The following CCDC39 variants were observed in gnomAD, a reference collection of about 807,000 sequenced individuals.
The protein encoded by CCDC39 is coiled-coil domain-containing protein 39.
Under a neutral mutation model 121.0 loss-of-function variants are expected in CCDC39, and 113 were observed. That is an observed-to-expected ratio of 0.93 (90% CI 0.80 to 1.09). The LOEUF (loss-of-function observed/expected upper bound fraction) is 1.09, where lower values mean the gene tolerates loss of function less well. Ranked by LOEUF, CCDC39 falls within the 50% of genes least tolerant of loss-of-function variation. The pLI is 0.00. For synonymous variants in CCDC39, 349 were observed against 352.2 expected, an observed-to-expected ratio of 0.99 and a Z score of 0.10; for missense variants, 1,063 against 1,074.7, an observed-to-expected ratio of 0.99 and a Z score of 0.15.
At chr3:180,672,969 G>A (rs1712091785) in intron 1 of CCDC39, among the ~76,000 whole-genome samples, 1 of 152,204 alleles carries the variant, frequency 6.6e-6, no homozygotes, top group African/African-American at 2.4e-5. Flanking sequence ...CAAGACTTCA[G>A]TGGAGGAAGT....
chr3:180,625,058 G>A lies in CCDC39; in HGVS notation c.1999-5088C>T, dbSNP rs148883268. ...GGATTGCTGGGCCTCTTGTGTCTCGGCGTCTAACTCTCTTACTAGACTTGA... is the reference window on the plus strand; with the variant it reads ...GGATTGCTGGGCCTCTTGTGTCTCGACGTCTAACTCTCTTACTAGACTTGA... On this transcript the variant is annotated intron_variant, in intron 14 of 19. Coordinates refer to ENST00000476379, the MANE Select transcript of CCDC39 (RefSeq NM_181426.2). Among the ~76,000 whole-genome samples, 21 of 152,048 alleles carry A rather than the reference G, an allele frequency of 1.4e-4. No individual in the cohort carries two copies. In the East Asian group the frequency reaches 4.1e-3, roughly 29 times the overall value.
chr3:180,654,685 A>G, intron 7 of CCDC39, 77 bp downstream of exon 7: 1 of 973,302 alleles, frequency 1.0e-6, no homozygotes, highest in Non-Finnish European at 1.4e-6. Context: ...TTATCACAGG[A>G]AAAGCTTTAT....
intron 6 of CCDC39, among the ~76,000 whole-genome samples, chr3:180,656,277 A>C (rs1450425072): frequency 2.0e-5 from 3 of 152,198 alleles, no homozygotes; most frequent in Non-Finnish European, 4.4e-5. Context: ...ATCATACTTA[A>C]TAGTGCTATG....
chr3:180,622,942 G>C (rs1717463529), intron 14 of CCDC39, among the ~76,000 whole-genome samples: 1 of 151,960 alleles, frequency 6.6e-6, no homozygotes, highest in African/African-American at 2.4e-5. Flanking sequence ...TATAGAATGA[G>C]TTAGGGAGCA....
chr3:180,669,763 T>C (rs147519063), intron 1 of CCDC39, among the ~76,000 whole-genome samples: 1 of 152,008 alleles, frequency 6.6e-6, no homozygotes, highest in East Asian at 1.9e-4. Context: ...TGTTTCACAA[T>C]TTCCTTATCT....
At position 180,614,100 on chromosome 3, in the gene CCDC39, T is replaced by C. The variant is rs1369850543; in HGVS notation, c.*821A>G. On this transcript the variant is annotated 3_prime_UTR_variant, in exon 20 of 20. Transcript: ENST00000476379. ...GTGTTGGGCACATGTTATAATGAAG[T>C]GTTAACTGGAAAAACTACTACATTT... 5.1e-6 allele frequency: 1 copy of C among 195,654 alleles called. No homozygotes were observed. The highest frequency in any genetic ancestry group is 2.4e-5 in the African/African-American group (1 of 42,308). The allele number at this position is 195,654 out of a possible 1,614,324, so 12.1% of individuals were successfully genotyped here.
chr3:180,623,123 T>G (rs1717470972), intron 14 of CCDC39, among the ~76,000 whole-genome samples: 1 of 148,936 alleles, frequency 6.7e-6, no homozygotes, highest in South Asian at 2.1e-4. Flanking sequence ...TATGGATTCA[T>G]TCTTGCTATT....
intron 14 of CCDC39, among the ~76,000 whole-genome samples, chr3:180,630,331 A>G (rs1297694729): frequency 6.6e-6 from 1 of 152,180 alleles, no homozygotes. Flanking sequence ...CTGACAAGTT[A>G]TAAGAAAGTT....
intron 6 of CCDC39, among the ~76,000 whole-genome samples, chr3:180,655,664 G>A (rs959438620): frequency 1.1e-4 from 17 of 152,110 alleles, no homozygotes; most frequent in Non-Finnish European, 1.5e-4. Flanking sequence ...TAAAGTGTAG[G>A]GTGGGAAGGC....
Position 180,652,324 on chromosome 3 carries a change from T to C in CCDC39, c.931-58A>G, listed in dbSNP as rs183404309. The C allele has an allele frequency of 1.5e-4, 161 of 1,076,854 alleles. No individual in the cohort carries two copies. In the Middle Eastern group the frequency reaches 2.0e-3, roughly 13 times the overall value. 66.7% of individuals were successfully genotyped at this position (1,076,854 alleles called of 1,614,324 possible). A position where few individuals can be genotyped will look rare whatever the true frequency, so the allele number is the denominator to read the frequency against. On this transcript the variant is annotated intron_variant, in intron 7 of 19. Transcript: ENST00000476379. ...TTTACTCTGTATCTTATAACTTATT[T>C]CATTTCTGAGTTTTATTCTGCCCAC...
chr3:180,634,253 G>T (rs574496642), intron 13 of CCDC39, among the ~76,000 whole-genome samples: 87 of 149,528 alleles, frequency 5.8e-4, no homozygotes, highest in African/African-American at 2.1e-3. Context: ...CACTGGCTCT[G>T]CAGTGGTACT....
At chr3:180,668,441 G>C (rs773550366) in intron 1 of CCDC39, among the ~76,000 whole-genome samples, 1 of 151,994 alleles carries the variant, frequency 6.6e-6, no homozygotes, top group African/African-American at 2.4e-5. Flanking sequence ...CAGATATGCT[G>C]GTGTCTCTTC....
At chr3:180,627,388 AT>A (rs1199178233) in intron 14 of CCDC39, among the ~76,000 whole-genome samples, 1 of 152,166 alleles carries the variant, frequency 6.6e-6, no homozygotes, top group Non-Finnish European at 1.5e-5. Context: ...AGCCAAACAA[AT>A]TTTAGTTGTG....
intron 19 of CCDC39, among the ~76,000 whole-genome samples, chr3:180,615,802 G>GA (rs200839634): frequency 0.044 from 6,632 of 149,708 alleles, 187 homozygotes; most frequent in Non-Finnish European, 0.06. Flanking sequence ...AACTGCAGAA[G>GA]AAAAAAAAAG....
At chr3:180,672,026 T>G (rs186097142) in intron 1 of CCDC39, among the ~76,000 whole-genome samples, 3 of 152,302 alleles carry the variant, frequency 2.0e-5, no homozygotes, top group Admixed American at 2.0e-4. Flanking sequence ...ATCTATGACT[T>G]TTATAGCTCA....
chr3:180,648,711 G>A (rs1718131581), intron 9 of CCDC39, among the ~76,000 whole-genome samples: 1 of 152,152 alleles, frequency 6.6e-6, no homozygotes, highest in Middle Eastern at 3.2e-3. Context: ...AAAGTCTTGA[G>A]GGTGCTATGG....
intron 9 of CCDC39, among the ~76,000 whole-genome samples, chr3:180,650,996 A>G (rs1028969776): frequency 6.7e-6 from 1 of 149,864 alleles, no homozygotes; most frequent in Non-Finnish European, 1.5e-5. Flanking sequence ...GCAGATCGAG[A>G]CCAGCCTGGC....
intron 13 of CCDC39, among the ~76,000 whole-genome samples, chr3:180,633,322 A>G (rs1320634342): frequency 3.3e-5 from 5 of 152,234 alleles, no homozygotes; most frequent in Non-Finnish European, 5.9e-5. Flanking sequence ...AAAATGAACA[A>G]AGAACAGACC....
rs758918783 is a variant in CCDC39 at position 180,648,230 on chromosome 3, G to C, written c.1297C>G (p.Leu433Val). 6.2e-7 allele frequency: 1 copy of C among 1,613,528 alleles called. No homozygotes were observed. Among genetic ancestry groups the C allele is most frequent in the Non-Finnish European group, 8.5e-7 (1 of 1,179,658 alleles). The change falls in exon 10 of 20, where the codon CTC (leucine) becomes GTC (valine). Residue 433 changes from leucine to valine, a missense_variant. Transcript: ENST00000476379. ...TCCAGTTTTTGTAACTGATGGTTGAGATGTTTCAGAGAGGAACGAGTTCCT... is the reference window on the plus strand; with the variant it reads ...TCCAGTTTTTGTAACTGATGGTTGACATGTTTCAGAGAGGAACGAGTTCCT... ...IEGTRSSLKH[L>V]NHQLQKLDFE...
Sources: gnomAD v4.1 joint callset for allele counts (sites outside exome capture counted in the v4.1 genomes callset) on GRCh38, gnomAD v4.1.1 for gene constraint, MANE v1.5 for transcripts, NCBI Gene and HGNC (gene_info 2026-07-23, HGNC 2026-07-21) for gene names.